The following MROH6 variants were observed in gnomAD, a reference collection of about 807,000 sequenced individuals.
MROH6 encodes the protein maestro heat-like repeat-containing protein family member 6.
In MROH6, 62 loss-of-function variants were observed where a neutral mutation model predicts 67.7. The ratio of observed to expected loss-of-function variants is 0.92; its 90% CI spans 0.75 to 1.13. The LOEUF is 1.13. MROH6 is among the 50% of genes most tolerant of loss of function. The probability of loss-of-function intolerance (pLI) is 0.00; values close to 1 mark genes in which losing one functional copy is unlikely to be tolerated. For missense variants in MROH6, 1,175 were observed against 1,029.1 expected (o/e 1.14, Z -1.94); for synonymous variants, 566 against 470.8 (o/e 1.20, Z -2.62).
chr8:143,567,554 C>G, intron 13 of MROH6, 57 bp downstream of exon 13: 1 of 1,503,550 alleles, frequency 6.7e-7, no homozygotes, highest in Non-Finnish European at 8.9e-7. Context: ...CCGTCCACTC[C>G]GCCCTAGCAC....
Position 143,570,314 on chromosome 8 carries a change from C to T in MROH6, c.972G>A (p.Met324Ile). ...GDGGRMVVTC[M>I]EQAGGWRRLV... ...GCCTCCTCCAGCCTCCTGCCTGCTC[C>T]ATGCACGTGACCACCATGCGGCCTC... The change falls in exon 6 of 14, where the codon ATG (methionine) becomes ATA (isoleucine). Residue 324 changes from methionine (M) to isoleucine (I), a missense_variant. By Grantham distance (10) the Met-to-Ile change is conservative. Coordinates refer to ENST00000398882, the MANE Select transcript of MROH6 (RefSeq NM_001100878.2). The T allele has an allele frequency of 6.2e-7, 1 of 1,609,646 alleles. No homozygotes were observed. Among genetic ancestry groups the T allele is most frequent in the Non-Finnish European group, 8.5e-7 (1 of 1,179,636 alleles).
intron 9 of MROH6, 101 bp from the exon 10 acceptor site, chr8:143,568,820 A>C (rs1022899622): frequency 1.1e-6 from 1 of 907,822 alleles, no homozygotes; most frequent in African/African-American, 1.8e-5. Flanking sequence ...GGTCTAGGGA[A>C]GGCTGCTGAC....
chr8:143,566,951 G>T lies in MROH6; in HGVS notation c.*288C>A. 1 of 281,812 alleles carries T rather than the reference G, an allele frequency of 3.5e-6. No individual in the cohort carries two copies. The highest frequency in any genetic ancestry group is 6.6e-6 in the Non-Finnish European group (1 of 150,402). 17.5% of individuals were successfully genotyped at this position (281,812 alleles called of 1,614,324 possible). A position where few individuals can be genotyped will look rare whatever the true frequency, so the allele number is the denominator to read the frequency against. On this transcript the variant is annotated 3_prime_UTR_variant, in exon 14 of 14. Transcript: ENST00000398882. ...TGGGGTCCCCCAGCAGACTCAAGAG[G>T]CCAGGTGCCATCTGGGCCAGGAGCC...
rs373718059 is a variant in MROH6 at position 143,569,980 on chromosome 8, G to C, written c.1129C>G (p.Arg377Gly). The C allele has an allele frequency of 6.2e-7, 1 of 1,613,244 alleles. No individual in the cohort carries two copies. Among genetic ancestry groups the C allele is most frequent in the Non-Finnish European group, 8.5e-7 (1 of 1,179,844 alleles). The change falls in exon 7 of 14, where the codon CGT (arginine) becomes GGT (glycine). Residue 377 changes from arginine to glycine, a missense_variant. Transcript: ENST00000398882. ...PRLRSADDPQ[R>G]LTAMAFFTGL... Reference sequence around the variant, plus strand: ...GTGAAGAAGGCCATAGCCGTGAGACGCTGCGGGTCGTCCGCGCTGCGAAGC... The same window carrying C: ...GTGAAGAAGGCCATAGCCGTGAGACCCTGCGGGTCGTCCGCGCTGCGAAGC...
intron 9 of MROH6, 24 bp from the exon 10 acceptor site, chr8:143,568,743 GC>G (rs1186608323): frequency 6.9e-7 from 1 of 1,454,062 alleles, no homozygotes; most frequent in Non-Finnish European, 9.1e-7. Flanking sequence ...CGCAGTCAGG[GC>G]AGGCGGAGAC....
chr8:143,566,925 T>G lies in MROH6; in HGVS notation c.*314A>C. 1 of 227,144 alleles carries G rather than the reference T, an allele frequency of 4.4e-6. No individual in the cohort carries two copies. The highest frequency in any genetic ancestry group is 8.6e-6 in the Non-Finnish European group (1 of 115,674). The allele number at this position is 227,144 out of a possible 1,614,324, so 14.1% of individuals were successfully genotyped here. On this transcript the variant is annotated 3_prime_UTR_variant, in exon 14 of 14. Coordinates refer to ENST00000398882, the MANE Select transcript of MROH6 (RefSeq NM_001100878.2). Reference sequence around the variant, plus strand: ...AGGGCAGGCTATGGGACCACCAACTTTGGGGTCCCCCAGCAGACTCAAGAG... The same window carrying G: ...AGGGCAGGCTATGGGACCACCAACTGTGGGGTCCCCCAGCAGACTCAAGAG...
At chr8:143,567,705 G>GCCCCACAGC in intron 12 of MROH6, 29 bp from the exon 13 acceptor site, 1 of 1,574,306 alleles carries the variant, frequency 6.4e-7, no homozygotes, top group Non-Finnish European at 8.6e-7. Context: ...ATGAGTGCAG[G>GCCCCACAGC]CCCCACAGCC....
At position 143,572,503 on chromosome 8, in the gene MROH6, C is replaced by T. The variant is rs918138399; in HGVS notation, c.212G>A (p.Arg71His). The T allele has an allele frequency of 3.1e-5, 49 of 1,604,924 alleles. No homozygotes were observed. Among genetic ancestry groups the T allele is most frequent in the Admixed American group, 6.7e-5 (4 of 59,338 alleles). Residue 71 changes from arginine (R) to histidine (H), a missense_variant, in exon 1 of 14, where the codon CGT (arginine) becomes CAT (histidine). Arg to His is a conservative substitution (Grantham distance 29). Transcript: ENST00000398882. ...LTAPSEAEPG[R>H]GATVPEAGSE... ...GCCAGCTTCAGGGACGGTGGCCCCA[C>T]GTCCAGGCTCTGCCTCAGAGGGGGC... is the stretch of plus-strand genomic sequence containing the variant.
chr8:143,568,481 G>C (rs915764567), intron 10 of MROH6, 71 bp downstream of exon 10: 2 of 1,459,270 alleles, frequency 1.4e-6, no homozygotes, highest in Non-Finnish European at 1.8e-6. Flanking sequence ...TGTAATTGTC[G>C]GAGGGGAGGC....
In MROH6 at chr8:143,572,573, A is replaced by C; in HGVS notation, c.142T>G (p.Trp48Gly). 6.2e-7 allele frequency: 1 copy of C among 1,605,738 alleles called. No individual in the cohort carries two copies. The highest frequency in any genetic ancestry group is 8.5e-7 in the Non-Finnish European group (1 of 1,177,558). Residue 48 changes from tryptophan (W) to glycine (G), a missense_variant, in exon 1 of 14, where the codon TGG becomes GGG. Transcript: ENST00000398882. The stretch of plus-strand genomic sequence containing the variant: ...GGCTCAGCCTCAGGTTTGACCTCCC[A>C]GGACTTGGGCTGAGGGCCTGCGGAA... ...PPSAGPQPKS[W>G]EVKPEAEPQT... is the part of the protein sequence containing the mutation.
intron 1 of MROH6, 61 bp from the exon 2 acceptor site, chr8:143,572,246 C>A: frequency 6.3e-7 from 1 of 1,583,274 alleles, no homozygotes; most frequent in East Asian, 2.2e-5. Flanking sequence ...TCCTCCTGGT[C>A]CCTCGGCCTC....
chr8:143,572,723 T>C lies in MROH6; in HGVS notation c.-9A>G, dbSNP rs1250926095. The C allele has an allele frequency of 6.8e-7, 1 of 1,467,490 alleles. No homozygotes were observed. The highest frequency in any genetic ancestry group is 2.4e-5 in the Admixed American group (1 of 42,048). 90.9% of individuals were successfully genotyped at this position (1,467,490 alleles called of 1,614,324 possible). On this transcript the variant is annotated 5_prime_UTR_variant, in exon 1 of 14. Transcript: ENST00000398882. ...CACACACCCCCAGCCATGGCGGCCC[T>C]TGCCTGCAGCACCTGCCGCTGCTCC...
chr8:143,570,333 C>T lies in MROH6; in HGVS notation c.953G>A (p.Arg318His), dbSNP rs774820460. Residue 318 changes from arginine to histidine, a missense_variant, in exon 6 of 14, where the codon CGC becomes CAC. Arg to His is a conservative substitution (Grantham distance 29). Transcript: ENST00000398882. ...LKALLTGDGG[R>H]MVVTCMEQAG... ...CTGCTCCATGCACGTGACCACCATG[C>T]GGCCTCCATCCCCGGTGAGCAGCGC... 24 of 1,609,842 alleles carry T rather than the reference C, an allele frequency of 1.5e-5. No individual in the cohort carries two copies. The highest frequency in any genetic ancestry group is 5.5e-5 in the South Asian group (5 of 90,980).
chr8:143,571,875 C>G, intron 2 of MROH6, 54 bp from the exon 3 acceptor site: 1 of 1,510,146 alleles, frequency 6.6e-7, no homozygotes, highest in Non-Finnish European at 8.9e-7. Context: ...CCGTCCATTC[C>G]CCTCTGGCCT....
At position 143,566,716 on chromosome 8, in the gene MROH6, G is replaced by C. The variant is rs1022206036; in HGVS notation, c.*523C>G. On this transcript the variant is annotated 3_prime_UTR_variant, in exon 14 of 14. Coordinates refer to ENST00000398882, the MANE Select transcript of MROH6 (RefSeq NM_001100878.2). Reference sequence around the variant, plus strand: ...CAGGGGGTGATGATGGCCTGGCTGAGAGGGCACAGCAGGTGTGGCCGGGAG... The same window carrying C: ...CAGGGGGTGATGATGGCCTGGCTGACAGGGCACAGCAGGTGTGGCCGGGAG... The C allele has an allele frequency of 5.3e-5, 8 of 152,318 alleles. No individual in the cohort carries two copies. The highest frequency in any genetic ancestry group is 1.9e-4 in the African/African-American group (8 of 41,436). The allele number at this position is 152,318 out of a possible 1,614,324, so 9.4% of individuals were successfully genotyped here.
In MROH6 at chr8:143,567,325, G is replaced by A. The variant is rs1823668464; in HGVS notation, c.2074C>T (p.Arg692Trp). ...CTGTCGGCGAAGACTGGTGGGGGCC[G>A]GGCGGGGCGCGGGGCGATGCGGAGA... ...RLLRIAPRPA[R>W]PPPVFADSPF... Residue 692 changes from arginine (R) to tryptophan (W), a missense_variant, in exon 14 of 14, where the codon CGG (arginine) becomes TGG (tryptophan). Transcript: ENST00000398882. The A allele has an allele frequency of 1.5e-5, 18 of 1,219,522 alleles. No homozygotes were observed. Among genetic ancestry groups the A allele is most frequent in the East Asian group, 6.5e-5 (2 of 30,570 alleles). The allele number at this position is 1,219,522 out of a possible 1,614,324, so 75.5% of individuals were successfully genotyped here.
chr8:143,569,469 C>T lies in MROH6; in HGVS notation c.1448G>A (p.Gly483Glu). Residue 483 changes from glycine (G) to glutamate (E), a missense_variant, in exon 9 of 14, where the codon GGA becomes GAA. Physicochemically the swap from Gly to Glu is moderately conservative, Grantham distance 98. Coordinates refer to ENST00000398882, the MANE Select transcript of MROH6 (RefSeq NM_001100878.2). ...GTCCAGTAGCGGAGGGAGGCGCGGT[C>T]CCAGCTCCGCGCTCAGGAGCCGCAC... is the stretch of plus-strand genomic sequence containing the variant. Reference protein sequence around the residue: ...APVRLLSAELGPRLPPLLDDT... With the variant: ...APVRLLSAELEPRLPPLLDDT... The T allele has an allele frequency of 6.8e-7, 1 of 1,470,010 alleles. No homozygotes were observed. The highest frequency in any genetic ancestry group is 8.9e-7 in the Non-Finnish European group (1 of 1,120,440). 91.1% of individuals were successfully genotyped at this position (1,470,010 alleles called of 1,614,324 possible). A position where few individuals can be genotyped will look rare whatever the true frequency, so the allele number is the denominator to read the frequency against.
At position 143,569,420 on chromosome 8, in the gene MROH6, G is replaced by A. The variant is rs1165806572; in HGVS notation, c.1476+21C>T. The A allele has an allele frequency of 1.1e-5, 15 of 1,423,616 alleles. No individual in the cohort carries two copies. The African/African-American group carries it at 1.5e-4, about 14-fold the overall frequency. 88.2% of individuals were successfully genotyped at this position (1,423,616 alleles called of 1,614,324 possible). The stretch of plus-strand genomic sequence containing the variant: ...GGTGACAGCGGCAGGGGCGGGACCC[G>A]GAGGCGGGGCGTTTGCTCACGTCGT... On this transcript the variant is annotated intron_variant, in intron 9 of 13. Transcript: ENST00000398882.
chr8:143,571,941 G>A (rs1416467701), intron 2 of MROH6, 92 bp downstream of exon 2: 5 of 1,498,780 alleles, frequency 3.3e-6, no homozygotes, highest in Non-Finnish European at 4.5e-6. Context: ...CCTGAAGATG[G>A]CAGGGTCAGG....
Sources: allele counts gnomAD v4.1 joint callset, GRCh38; gene constraint gnomAD v4.1.1; transcripts MANE v1.5; gene names NCBI Gene and HGNC (gene_info 2026-07-23, HGNC 2026-07-21).